The following KIF26B variants were observed in gnomAD, a reference collection of about 807,000 sequenced individuals.
The protein encoded by KIF26B is kinesin-like protein KIF26B.
Under a neutral mutation model 151.2 loss-of-function variants are expected in KIF26B, and 63 were observed. The ratio of observed to expected loss-of-function variants is 0.42; its 90% confidence interval spans 0.34 to 0.51. KIF26B has a LOEUF of 0.51. Among genes scored for constraint, KIF26B ranks in the 20% least tolerant of loss-of-function variants. KIF26B has a pLI of 0.07. For missense variants in KIF26B, 2,813 were observed against 2,913.6 expected (o/e 0.97, Z 0.79); for synonymous variants, 1,357 against 1,262.1 (o/e 1.08, Z -1.59).
At chr1:245,428,756 G>A (rs918322414) in intron 4 of KIF26B, among the ~76,000 whole-genome samples, 48 of 152,090 alleles carry the variant, frequency 3.2e-4, no homozygotes, top group African/African-American at 9.9e-4. Flanking sequence ...TCTGACTGGC[G>A]GCCGGTTGGG....
At chr1:245,534,993 G>C (rs934395729) in intron 4 of KIF26B, among the ~76,000 whole-genome samples, 2 of 152,096 alleles carry the variant, frequency 1.3e-5, no homozygotes, top group East Asian at 1.9e-4. Flanking sequence ...ATGTTGGTCA[G>C]GCTGGTCTCG....
intron 2 of KIF26B, among the ~76,000 whole-genome samples, chr1:245,274,935 C>G (rs7555610): frequency 0.14 from 20,576 of 152,154 alleles, 1,485 homozygotes; most frequent in Middle Eastern, 0.16. Flanking sequence ...ATTTACACTC[C>G]CACCAACAGT....
chr1:245,448,463 GCCT>G (rs1659297887), intron 4 of KIF26B, among the ~76,000 whole-genome samples: 1 of 152,178 alleles, frequency 6.6e-6, no homozygotes, highest in Non-Finnish European at 1.5e-5. Flanking sequence ...GCCCACCTGG[GCCT>G]CCCAAAGTGC....
At chr1:245,349,156 T>C (rs1429179652) in intron 2 of KIF26B, among the ~76,000 whole-genome samples, 1 of 152,220 alleles carries the variant, frequency 6.6e-6, no homozygotes, top group African/African-American at 2.4e-5. Flanking sequence ...TTCTGTTGAA[T>C]GAATCAATGA....
At chr1:245,286,873 C>T (rs1043962673) in intron 2 of KIF26B, among the ~76,000 whole-genome samples, 8 of 152,050 alleles carry the variant, frequency 5.3e-5, no homozygotes, top group African/African-American at 1.7e-4. Context: ...TTTGGGAGGC[C>T]GAGATAAGCA....
chr1:245,333,237 A>G (rs1159800425), intron 2 of KIF26B, among the ~76,000 whole-genome samples: 1 of 152,236 alleles, frequency 6.6e-6, no homozygotes, highest in African/African-American at 2.4e-5. Flanking sequence ...TGGTCTCTAC[A>G]TACAATAGAA....
intron 2 of KIF26B, among the ~76,000 whole-genome samples, chr1:245,229,964 C>G (rs1669957826): frequency 6.6e-6 from 1 of 151,622 alleles, no homozygotes; most frequent in Non-Finnish European, 1.5e-5. Flanking sequence ...AAAACCCCAT[C>G]TCTACAAAAA....
chr1:245,239,536 C>T lies in KIF26B; in HGVS notation c.465+82853C>T, dbSNP rs1427744156. ...CATTGTTGTTTTAGACAGAGTCTCTCTCTGTCGCCCAGGCTGGAGTGCAGT... is the reference window on the plus strand; with the variant it reads ...CATTGTTGTTTTAGACAGAGTCTCTTTCTGTCGCCCAGGCTGGAGTGCAGT... On this transcript the variant is annotated intron_variant, in intron 2 of 14. Coordinates refer to ENST00000407071, the MANE Select transcript of KIF26B (RefSeq NM_018012.4). The surrounding 1 kb of genome is among the most constrained non-coding windows in gnomAD (Gnocchi z 4.3). Among the ~76,000 whole-genome samples the T allele has an allele frequency of 2.0e-5, 3 of 152,118 alleles. No homozygotes were observed. The highest frequency in any genetic ancestry group is 1.9e-4 in the East Asian group (1 of 5,180).
At chr1:245,431,027 G>C (rs975249117) in intron 4 of KIF26B, among the ~76,000 whole-genome samples, 7 of 152,232 alleles carry the variant, frequency 4.6e-5, no homozygotes, top group African/African-American at 1.7e-4. Flanking sequence ...GATGGTCTTA[G>C]CCACCATGCT....
intron 4 of KIF26B, among the ~76,000 whole-genome samples, chr1:245,520,607 C>CCATCCATCCATCCAT (rs1558197351): frequency 9.3e-6 from 1 of 107,494 alleles, no homozygotes; most frequent in African/African-American, 3.3e-5. Context: ...CATCCACCCA[C>CCATCCATCCATCCAT]CCACCCATCC....
chr1:245,605,001 C>T (rs1164772141), intron 6 of KIF26B, among the ~76,000 whole-genome samples: 2 of 152,172 alleles, frequency 1.3e-5, no homozygotes, highest in African/African-American at 2.4e-5. Context: ...GGATTCCCCC[C>T]GTTAACCTCT....
intron 4 of KIF26B, among the ~76,000 whole-genome samples, chr1:245,458,891 G>A (rs545134759): frequency 3.9e-5 from 6 of 152,134 alleles, no homozygotes; most frequent in African/African-American, 7.2e-5. Flanking sequence ...AGATGTTAGC[G>A]TCCTTAGCCT....
At chr1:245,282,556 A>G (rs1454555215) in intron 2 of KIF26B, among the ~76,000 whole-genome samples, 1 of 152,180 alleles carries the variant, frequency 6.6e-6, no homozygotes, top group Non-Finnish European at 1.5e-5. Flanking sequence ...TGTGTCCTGC[A>G]TTTGCATATT....
intron 4 of KIF26B, among the ~76,000 whole-genome samples, chr1:245,447,539 G>T (rs1338885782): frequency 6.6e-6 from 1 of 152,112 alleles, no homozygotes; most frequent in Non-Finnish European, 1.5e-5. Context: ...CCTTATCAAA[G>T]AGGCCAGCAG....
chr1:245,253,967 G>A (rs912935861), intron 2 of KIF26B, among the ~76,000 whole-genome samples: 7 of 151,450 alleles, frequency 4.6e-5, no homozygotes, highest in African/African-American at 1.2e-4. Flanking sequence ...CCGCCACCAC[G>A]CCCGGCTGAT....
intron 3 of KIF26B, among the ~76,000 whole-genome samples, chr1:245,384,736 A>G (rs1353994424): frequency 2.0e-5 from 3 of 152,270 alleles, no homozygotes; most frequent in Admixed American, 6.5e-5. Context: ...TATTGGTTGA[A>G]ATTAAGAAGA....
chr1:245,682,842 G>A (rs912699165), intron 10 of KIF26B, among the ~76,000 whole-genome samples: 2 of 152,240 alleles, frequency 1.3e-5, no homozygotes, highest in African/African-American at 4.8e-5. Context: ...CTTCCTCGTC[G>A]AGTGCGGCTG....
rs373325335 is a variant in KIF26B, at chr1:245,345,424, G to C, written c.466-21410G>C. ...GGAAGCTGAGACTCGGAAAATCCTC[G>C]TCCCCCTCCGCACCTCTCTCCTACT... On this transcript the variant is annotated intron_variant, in intron 2 of 14. Coordinates refer to ENST00000407071, the MANE Select transcript of KIF26B (RefSeq NM_018012.4). 1.2e-4 allele frequency among the ~76,000 whole-genome samples: 19 copies of C among 152,234 alleles called. No individual in the cohort carries two copies. In the East Asian group the frequency reaches 3.7e-3, roughly 29 times the overall value.
intron 4 of KIF26B, among the ~76,000 whole-genome samples, chr1:245,463,698 C>T (rs976592615): frequency 2.0e-5 from 3 of 152,176 alleles, no homozygotes; most frequent in African/African-American, 7.2e-5. Flanking sequence ...TTGTCCATCT[C>T]CAGGGCCACC....
Sources: gnomAD v4.1 joint callset for allele counts (sites outside exome capture counted in the v4.1 genomes callset) on GRCh38, gnomAD v4.1.1 for gene constraint, Gnocchi (gnomAD v3.1) non-coding constraint, MANE v1.5 for transcripts, NCBI Gene and HGNC (gene_info 2026-07-23, HGNC 2026-07-21) for gene names.